OSBPL5: variants seen among roughly 807,000 people sequenced by gnomAD.
The protein encoded by OSBPL5 is oxysterol-binding protein-related protein 5.
A neutral mutation model predicts 111.2 loss-of-function variants in OSBPL5; 71 were observed. The observed-to-expected ratio is 0.64, with a 90% CI of 0.53 to 0.78. The LOEUF is 0.78. Ranked by LOEUF, OSBPL5 falls within the 30% of genes least tolerant of loss-of-function variation. OSBPL5 has a pLI of 0.00. For synonymous variants in OSBPL5, 549 were observed against 513.9 expected (o/e 1.07, Z -0.93); for missense variants, 1,210 against 1,189.3 (o/e 1.02, Z -0.26).
intron 21 of OSBPL5, among the ~76,000 whole-genome samples, chr11:3,088,892 A>G (rs1466119409): frequency 6.6e-6 from 1 of 152,108 alleles, no homozygotes; most frequent in Admixed American, 6.5e-5. Flanking sequence ...CTTGGACTCC[A>G]GCCTCCGGGA....
chr11:3,107,632 G>T lies in OSBPL5; in HGVS notation c.866+139C>A. On this transcript the variant is annotated intron_variant, in intron 8 of 21. Coordinates refer to ENST00000263650, the MANE Select transcript of OSBPL5 (RefSeq NM_020896.4). The surrounding 1 kb of genome is among the most constrained non-coding windows in gnomAD (Gnocchi z 6.1). ...TAGAGGAAGGAACCGAGGCTCCCAG[G>T]GCACACTGCAGCGAACAAGTCCCTG... is the stretch of plus-strand genomic sequence containing the variant. The T allele has an allele frequency of 7.3e-7, 1 of 1,377,576 alleles. No homozygotes were observed. The highest frequency in any genetic ancestry group is 1.0e-6 in the Non-Finnish European group (1 of 1,002,904). 85.3% of individuals were successfully genotyped at this position (1,377,576 alleles called of 1,614,324 possible).
rs188560864 is a variant in OSBPL5, at chr11:3,094,492, G to C, written c.1622-158C>G. 8.6e-3 allele frequency: 5,295 copies of C among 613,262 alleles called. 125 individuals carry two copies. The highest frequency in any genetic ancestry group is 5.1e-3 in the Non-Finnish European group (1,758 of 346,174). The allele number at this position is 613,262 out of a possible 1,614,324, so 38.0% of individuals were successfully genotyped here. ...AGTCCCTGGGAGGGTGAGAAGGACA[G>C]GAGGCGCTGGGAGCAGAACCCCACA... On this transcript the variant is annotated intron_variant, in intron 14 of 21. Coordinates refer to ENST00000263650, the MANE Select transcript of OSBPL5 (RefSeq NM_020896.4).
intron 21 of OSBPL5, among the ~76,000 whole-genome samples, chr11:3,089,415 G>T (rs1856982145): frequency 6.6e-6 from 1 of 152,192 alleles, no homozygotes; most frequent in Admixed American, 6.5e-5. Flanking sequence ...GCCTGCACCT[G>T]CCAGCTCTCG....
At chr11:3,112,079 G>GCA (rs1858005253) in intron 7 of OSBPL5, among the ~76,000 whole-genome samples, 3 of 134,232 alleles carry the variant, frequency 2.2e-5, no homozygotes, top group Admixed American at 7.7e-5. Flanking sequence ...GTGTGCATGT[G>GCA]TGTGTGCATG....
chr11:3,165,027 C>T lies in OSBPL5; in HGVS notation c.-22+189G>A, dbSNP rs995170612. ...CCAGCTCCCCAGCGCGCGACCGGCCCCGCGGCGTGGTTCCCCGCACTGGCT... is the reference window on the plus strand; with the variant it reads ...CCAGCTCCCCAGCGCGCGACCGGCCTCGCGGCGTGGTTCCCCGCACTGGCT... On this transcript the variant is annotated intron_variant, in intron 1 of 21. Coordinates refer to ENST00000263650, the MANE Select transcript of OSBPL5 (RefSeq NM_020896.4). This position sits in a 1 kb window ranked among gnomAD's most constrained non-coding sequence, Gnocchi z 7.4. Among the ~76,000 whole-genome samples, 9 of 150,980 alleles carry T rather than the reference C, an allele frequency of 6.0e-5. No homozygotes were observed. The highest frequency in any genetic ancestry group is 9.7e-5 in the African/African-American group (4 of 41,290).
rs1035204983 is a variant in OSBPL5, at chr11:3,162,244, G to T, written c.-22+2972C>A. ...GCAAGAGCTGGTAGGGCCAGGAGGGGAGTGGAGGCCAGCCCTGGAGGGAGT... is the reference window on the plus strand; with the variant it reads ...GCAAGAGCTGGTAGGGCCAGGAGGGTAGTGGAGGCCAGCCCTGGAGGGAGT... On this transcript the variant is annotated intron_variant, in intron 1 of 21. Transcript: ENST00000263650. The surrounding 1 kb of genome is among the most constrained non-coding windows in gnomAD (Gnocchi z 8.1). 2.8e-4 allele frequency among the ~76,000 whole-genome samples: 42 copies of T among 152,196 alleles called. No homozygotes were observed. The highest frequency in any genetic ancestry group is 9.7e-4 in the African/African-American group (40 of 41,434).
In OSBPL5 at chr11:3,092,423, G is replaced by A; in HGVS notation, c.2259+9C>T. 1.9e-6 allele frequency: 3 copies of A among 1,572,022 alleles called. No individual in the cohort carries two copies. Among genetic ancestry groups the A allele is most frequent in the Non-Finnish European group, 2.6e-6 (3 of 1,157,532 alleles). On this transcript the variant is annotated intron_variant, in intron 19 of 21. Coordinates refer to ENST00000263650, the MANE Select transcript of OSBPL5 (RefSeq NM_020896.4). The surrounding 1 kb of genome is among the most constrained non-coding windows in gnomAD (Gnocchi z 5.4). ...GACCAGCCCTGGGTGGGGCCTGTGG[G>A]GTGCTGACCTCGTGCCTGGGCCCTG...
At chr11:3,147,147 G>T in intron 1 of OSBPL5, among the ~76,000 whole-genome samples, 1 of 152,150 alleles carries the variant, frequency 6.6e-6, no homozygotes, top group South Asian at 2.1e-4. Context: ...CGGGCGGGTG[G>T]GAGGGCTGCA....
At position 3,141,995 on chromosome 11, in the gene OSBPL5, C is replaced by T. The variant is rs1846134295; in HGVS notation, c.-21-12826G>A. Among the ~76,000 whole-genome samples, 1 of 152,236 alleles carries T rather than the reference C, an allele frequency of 6.6e-6. No homozygotes were observed. The highest frequency in any genetic ancestry group is 2.4e-5 in the African/African-American group (1 of 41,462). The stretch of plus-strand genomic sequence containing the variant: ...TGGCACGATCTTGGCTCACTGCAAC[C>T]TCTGTCTCCCGGGTTCAAGCAATTA... On this transcript the variant is annotated intron_variant, in intron 1 of 21. Coordinates refer to ENST00000263650, the MANE Select transcript of OSBPL5 (RefSeq NM_020896.4). The surrounding 1 kb of genome is among the most constrained non-coding windows in gnomAD (Gnocchi z 6.5).
At chr11:3,124,660 C>G (rs1215330733) in intron 3 of OSBPL5, among the ~76,000 whole-genome samples, 1 of 152,176 alleles carries the variant, frequency 6.6e-6, no homozygotes, top group East Asian at 1.9e-4. Flanking sequence ...CACCCTTGGC[C>G]CGCCCAGGAC....
rs374205061 is a variant in OSBPL5 at position 3,093,529 on chromosome 11, C to G, written c.1944G>C (p.Glu648Asp). The change falls in exon 17 of 22, where the codon GAG becomes GAC. Residue 648 changes from glutamate (E) to aspartate (D), a missense_variant and splice_region_variant. Coordinates refer to ENST00000263650, the MANE Select transcript of OSBPL5 (RefSeq NM_020896.4). The part of the protein sequence containing the change: ...PLEEQTELES[E>D]RLWQHVTRAI... ...CCCTGGGCGCTGACAGGCCTCACCTCTCGGACTCCAGCTCCGTCTGCTCCT... is the reference window on the plus strand; with the variant it reads ...CCCTGGGCGCTGACAGGCCTCACCTGTCGGACTCCAGCTCCGTCTGCTCCT... The G allele has an allele frequency of 5.0e-6, 8 of 1,608,252 alleles. No individual in the cohort carries two copies. Among genetic ancestry groups the G allele is most frequent in the Non-Finnish European group, 6.8e-6 (8 of 1,179,704 alleles).
chr11:3,119,627 G>A lies in OSBPL5; in HGVS notation c.611C>T (p.Pro204Leu). Residue 204 changes from proline to leucine, a missense_variant, in exon 7 of 22, where the codon CCC becomes CTC. Transcript: ENST00000263650. The stretch of plus-strand genomic sequence containing the variant: ...GATGGAGCCCACGCTCTCACCTTTG[G>A]GGCCCTGGAGAGAGAGAGATCTGGG... ...LDQSVWAVKG[P>L]KGESVGSITQ... 1 of 1,576,708 alleles carries A rather than the reference G, an allele frequency of 6.3e-7. No homozygotes were observed. The highest frequency in any genetic ancestry group is 8.6e-7 in the Non-Finnish European group (1 of 1,165,504).
rs369962448 is a variant in OSBPL5, at chr11:3,107,895, G to A, written c.742C>T (p.Leu248=). The change falls in exon 8 of 22, where the codon CTG becomes TTG. Residue 248 remains leucine, a synonymous_variant. Coordinates refer to ENST00000263650, the MANE Select transcript of OSBPL5 (RefSeq NM_020896.4). The surrounding 1 kb of genome is among the most constrained non-coding windows in gnomAD (Gnocchi z 6.1). ...LELALRCSSL[L]RLGTCKPGRD... is the part of the protein sequence containing the mutation. ...CCCGGCTTGCAGGTGCCCAGTCTCA[G>A]TAGGCTAGAGCAGCGCAGGGCCAGC... The A allele has an allele frequency of 6.2e-7, 1 of 1,604,696 alleles. No homozygotes were observed. Among genetic ancestry groups the A allele is most frequent in the Non-Finnish European group, 8.5e-7 (1 of 1,179,876 alleles).
intron 7 of OSBPL5, among the ~76,000 whole-genome samples, chr11:3,112,468 GTTTTC>G (rs140661592): frequency 0.26 from 30,920 of 117,290 alleles, 3,676 homozygotes; most frequent in South Asian, 0.42. Flanking sequence ...CCTGTTTTGT[GTTTTC>G]TTTTCTTTTT....
At chr11:3,088,799 T>G (rs1189316070) in intron 21 of OSBPL5, among the ~76,000 whole-genome samples, 2 of 152,010 alleles carry the variant, frequency 1.3e-5, no homozygotes, top group African/African-American at 2.4e-5. Context: ...GAAGAAGAGA[T>G]GAAGACACAG....
intron 1 of OSBPL5, among the ~76,000 whole-genome samples, chr11:3,132,835 G>T (rs1078804): frequency 3.3e-5 from 5 of 152,112 alleles, no homozygotes; most frequent in African/African-American, 1.2e-4. Flanking sequence ...CAGGTGAGGG[G>T]TGGTGGGGTC....
At chr11:3,127,941 C>T (rs1238784357) in intron 2 of OSBPL5, among the ~76,000 whole-genome samples, 1 of 152,214 alleles carries the variant, frequency 6.6e-6, no homozygotes, top group Non-Finnish European at 1.5e-5. Context: ...TGGTCCGAGT[C>T]CCTCTGAAAC....
In OSBPL5 at chr11:3,137,265, T is replaced by G. The variant is rs959573123; in HGVS notation, c.-21-8096A>C. ...GTGTCTGGGTGGACCGAATGCCTAG[T>G]GCTAATGTGGGCAGCCTGACCACCC... is the stretch of plus-strand genomic sequence containing the variant. On this transcript the variant is annotated intron_variant, in intron 1 of 21. Coordinates refer to ENST00000263650, the MANE Select transcript of OSBPL5 (RefSeq NM_020896.4). Among the ~76,000 whole-genome samples, 9 of 152,270 alleles carry G rather than the reference T, an allele frequency of 5.9e-5. 1 individual carries two copies. In the South Asian group the frequency reaches 1.0e-3, roughly 18 times the overall value.
chr11:3,127,255 C>T (rs1858659588), intron 2 of OSBPL5, among the ~76,000 whole-genome samples: 1 of 152,334 alleles, frequency 6.6e-6, no homozygotes, highest in East Asian at 1.9e-4. Flanking sequence ...CGAGGGTTGA[C>T]TGCCCCGGTC....
Sources: gnomAD v4.1 joint callset for allele counts (sites outside exome capture counted in the v4.1 genomes callset) on GRCh38, gnomAD v4.1.1 for gene constraint, Gnocchi (gnomAD v3.1) non-coding constraint, MANE v1.5 for transcripts, NCBI Gene and HGNC (gene_info 2026-07-23, HGNC 2026-07-21) for gene names.